Variants in GRIP1 observed in about 807,000 individuals in gnomAD.
The protein encoded by GRIP1 is glutamate receptor interacting protein 1.
GRIP1 carries 45 observed loss-of-function variants against 129.9 expected under a neutral mutation model. That is an observed-to-expected ratio of 0.35 (90% CI 0.27 to 0.44). GRIP1 has a LOEUF of 0.44. Ranked by LOEUF, GRIP1 falls within the 20% of genes least tolerant of loss-of-function variation. The probability of loss-of-function intolerance (pLI) is 1.00; values close to 1 mark genes in which losing one functional copy is unlikely to be tolerated. For missense variants in GRIP1, 1,196 were observed against 1,396.8 expected (o/e 0.86, Z 2.29); for synonymous variants, 530 against 520.8 (o/e 1.02, Z -0.24).
chr12:67,066,909 T>TATATATAC (rs1555170047), intron 1 of GRIP1, among the ~76,000 whole-genome samples: 1 of 142,068 alleles, frequency 7.0e-6, no homozygotes, highest in Non-Finnish European at 1.5e-5. Context: ...TATATATATA[T>TATATATAC]ATACACACAC....
intron 7 of GRIP1, among the ~76,000 whole-genome samples, chr12:66,479,813 A>T (rs536899712): frequency 6.6e-6 from 1 of 152,006 alleles, no homozygotes; most frequent in Non-Finnish European, 1.5e-5. Context: ...AACCAATGAC[A>T]AAAACCACAT....
chr12:66,629,250 A>T (rs1039276911), intron 1 of GRIP1, among the ~76,000 whole-genome samples: 11 of 152,244 alleles, frequency 7.2e-5, no homozygotes, highest in South Asian at 2.1e-4. Context: ...GACAAGACAT[A>T]TTAAAATGAA....
At chr12:66,729,009 G>A (rs2036344376) in intron 1 of GRIP1, among the ~76,000 whole-genome samples, 1 of 151,708 alleles carries the variant, frequency 6.6e-6, no homozygotes, top group Admixed American at 6.6e-5. Flanking sequence ...AGGAGCTGTG[G>A]GTTAACTAGG....
At position 66,541,937 on chromosome 12, in the gene GRIP1, G is replaced by A. The variant is rs1383535458; in HGVS notation, c.150C>T (p.Gly50=). The change falls in exon 3 of 25, where the codon GGC becomes GGT. Residue 50 remains glycine (G), a synonymous_variant. Transcript: ENST00000359742. ...TCTTCATCAGCTCGACGACTGTGGA[G>A]CCCTTGAATTCCTCTGTTAAAAGAA... is the stretch of plus-strand genomic sequence containing the variant. The part of the protein sequence containing the change: ...RRQSIPEEFK[G]STVVELMKKE... 1 of 1,613,762 alleles carries A rather than the reference G, an allele frequency of 6.2e-7. No homozygotes were observed. Among genetic ancestry groups the A allele is most frequent in the Non-Finnish European group, 8.5e-7 (1 of 1,179,818 alleles).
At chr12:66,776,790 G>A (rs576753107) in intron 1 of GRIP1, among the ~76,000 whole-genome samples, 12 of 152,296 alleles carry the variant, frequency 7.9e-5, no homozygotes, top group African/African-American at 2.9e-4. Context: ...AAGTAAAATT[G>A]TTGATGAAAT....
At position 66,895,924 on chromosome 12, in the gene GRIP1, G is replaced by A. The variant is rs140007074; in HGVS notation, c.58+173126C>T. ...GACTATGGCCACTTCTTATATCAGA[G>A]GGGAAAGTTAAAATTCCTGTCATTG... On this transcript the variant is annotated intron_variant, in intron 1 of 1. Transcript: ENST00000643019. Among the ~76,000 whole-genome samples the A allele has an allele frequency of 5.7e-4, 87 of 152,240 alleles. 1 individual carries two copies. In the East Asian group the frequency reaches 0.016, roughly 28 times the overall value.
At chr12:66,688,746 C>T (rs2034871325) in intron 1 of GRIP1, among the ~76,000 whole-genome samples, 1 of 149,834 alleles carries the variant, frequency 6.7e-6, no homozygotes, top group South Asian at 2.1e-4. Flanking sequence ...TTTGCAAACA[C>T]TTTCAATCAC....
At chr12:66,871,619 C>A (rs183103850) in intron 1 of GRIP1, among the ~76,000 whole-genome samples, 1 of 152,202 alleles carries the variant, frequency 6.6e-6, no homozygotes, top group Admixed American at 6.6e-5. Context: ...CTTCATCATT[C>A]TCAGTTCAAG....
chr12:66,576,437 A>G (rs1202320279), intron 2 of GRIP1, among the ~76,000 whole-genome samples: 2 of 152,374 alleles, frequency 1.3e-5, no homozygotes, highest in South Asian at 4.1e-4. Flanking sequence ...TAAGAAGAGT[A>G]GTAGATGTAT....
At chr12:66,656,556 T>C (rs1304665099) in intron 1 of GRIP1, among the ~76,000 whole-genome samples, 1 of 152,218 alleles carries the variant, frequency 6.6e-6, no homozygotes, top group African/African-American at 2.4e-5. Flanking sequence ...ACTGTTGTTT[T>C]TCTTATGGTA....
chr12:67,009,556 C>T (rs11176530), intron 1 of GRIP1, among the ~76,000 whole-genome samples: 1 of 152,278 alleles, frequency 6.6e-6, no homozygotes, highest in East Asian at 1.9e-4. Flanking sequence ...AGTATTAACA[C>T]CTGCAGTCCA....
chr12:66,780,866 A>G (rs1031370979), intron 1 of GRIP1, among the ~76,000 whole-genome samples: 7 of 152,206 alleles, frequency 4.6e-5, no homozygotes, highest in Admixed American at 1.3e-4. Context: ...GAGAAGCCAC[A>G]TGTAGGTATT....
intron 4 of GRIP1, among the ~76,000 whole-genome samples, chr12:66,533,172 A>C (rs1416408437): frequency 6.6e-6 from 1 of 152,080 alleles, no homozygotes; most frequent in Non-Finnish European, 1.5e-5. Flanking sequence ...ATTTGAAGGC[A>C]CTGCTCTAGA....
chr12:66,868,172 T>C (rs1259390061), intron 1 of GRIP1, among the ~76,000 whole-genome samples: 1 of 152,100 alleles, frequency 6.6e-6, no homozygotes, highest in African/African-American at 2.4e-5. Context: ...GTTAAAATTT[T>C]ACATTAAACA....
At chr12:66,904,432 G>A (rs1005252821) in intron 1 of GRIP1, among the ~76,000 whole-genome samples, 15 of 152,054 alleles carry the variant, frequency 9.9e-5, no homozygotes, top group African/African-American at 3.4e-4. Flanking sequence ...GTTGGCTGAT[G>A]GTGTTTTCAA....
chr12:66,729,764 CG>C (rs2036372923), intron 1 of GRIP1, among the ~76,000 whole-genome samples: 1 of 152,030 alleles, frequency 6.6e-6, no homozygotes, highest in Non-Finnish European at 1.5e-5. Context: ...TTAGTAGAGA[CG>C]GGGTTTCCCC....
chr12:66,695,215 G>A (rs1404508672), intron 1 of GRIP1, among the ~76,000 whole-genome samples: 2 of 152,110 alleles, frequency 1.3e-5, no homozygotes, highest in Non-Finnish European at 2.9e-5. Flanking sequence ...TGCTCATAGG[G>A]GGAAGACACT....
intron 11 of GRIP1, among the ~76,000 whole-genome samples, chr12:66,449,133 T>C (rs1484042681): frequency 6.6e-6 from 1 of 152,218 alleles, no homozygotes; most frequent in African/African-American, 2.4e-5. Flanking sequence ...TTCTAATACA[T>C]GGTCCCGTTT....
chr12:66,667,776 A>T (rs1379262081), intron 1 of GRIP1, among the ~76,000 whole-genome samples: 3 of 152,162 alleles, frequency 2.0e-5, no homozygotes, highest in Non-Finnish European at 4.4e-5. Flanking sequence ...AGGGAACAAT[A>T]GGGAAGGTGA....
Sources: gnomAD v4.1 joint callset for allele counts (sites outside exome capture counted in the v4.1 genomes callset) on GRCh38, gnomAD v4.1.1 for gene constraint, MANE v1.5 for transcripts, NCBI Gene and HGNC (gene_info 2026-07-23, HGNC 2026-07-21) for gene names.